The following PPP2R2B variants were observed in gnomAD, a reference collection of about 807,000 sequenced individuals.
The protein encoded by PPP2R2B is serine/threonine-protein phosphatase 2A 55 kDa regulatory subunit B beta isoform.
A neutral mutation model predicts 46.0 loss-of-function variants in PPP2R2B; 5 were observed. The ratio of observed to expected loss-of-function variants is 0.11; its 90% CI spans 0.06 to 0.23. The LOEUF (loss-of-function observed/expected upper bound fraction) is 0.23. Among genes scored for constraint, PPP2R2B ranks in the 10% least tolerant of loss-of-function variants. The pLI, the probability that PPP2R2B is intolerant of heterozygous loss-of-function variation, is 1.00. For missense variants in PPP2R2B, 367 were observed against 575.0 expected (o/e 0.64, Z 3.70); for synonymous variants, 215 against 206.7 (o/e 1.04, Z -0.34).
intron 7 of PPP2R2B, among the ~76,000 whole-genome samples, chr5:146,615,503 A>T (rs1773069725): frequency 8.5e-6 from 1 of 117,570 alleles, no homozygotes; most frequent in Non-Finnish European, 1.6e-5. Flanking sequence ...AGAGTATAAT[A>T]AAAAAAAAAA....
chr5:146,703,425 A>G lies in PPP2R2B; in HGVS notation c.71-2283T>C, dbSNP rs1185772091. On this transcript the variant is annotated intron_variant, in intron 2 of 9. Transcript: ENST00000394411. ...AGCTACGTTCTAAAGTTCTGCTTAC[A>G]TGCAGTCTATGCCCTTTCACTGGAC... 3.9e-5 allele frequency among the ~76,000 whole-genome samples: 6 copies of G among 152,274 alleles called. No homozygotes were observed. The East Asian group carries it at 9.7e-4, about 24-fold the overall frequency.
chr5:146,681,857 G>T (rs1014324698), intron 5 of PPP2R2B, among the ~76,000 whole-genome samples: 1 of 152,142 alleles, frequency 6.6e-6, no homozygotes, highest in Non-Finnish European at 1.5e-5. Flanking sequence ...AGGCTTTATG[G>T]CCAGGGAATC....
chr5:146,864,917 A>G (rs2151399741), intron 2 of PPP2R2B, among the ~76,000 whole-genome samples: 1 of 152,318 alleles, frequency 6.6e-6, no homozygotes, highest in Non-Finnish European at 1.5e-5. Flanking sequence ...GCCTACAGTA[A>G]TTACAAAGGT....
chr5:146,938,750 CCTTT>C (rs1764231991), intron 1 of PPP2R2B, among the ~76,000 whole-genome samples: 2 of 123,888 alleles, frequency 1.6e-5, no homozygotes, highest in South Asian at 2.6e-4. Flanking sequence ...TAGATAATAG[CCTTT>C]TTTTTTTTTT....
intron 2 of PPP2R2B, among the ~76,000 whole-genome samples, chr5:146,815,541 G>C (rs934497714): frequency 6.6e-6 from 1 of 152,226 alleles, no homozygotes; most frequent in African/African-American, 2.4e-5. Flanking sequence ...AGGAGTGCAC[G>C]CAAGTGAAAT....
chr5:146,898,201 C>A (rs1430411837), intron 1 of PPP2R2B, among the ~76,000 whole-genome samples: 2 of 151,962 alleles, frequency 1.3e-5, no homozygotes, highest in African/African-American at 2.4e-5. Flanking sequence ...AACAAACAAA[C>A]AAAAAAAGTA....
intron 2 of PPP2R2B, among the ~76,000 whole-genome samples, chr5:146,765,088 T>C (rs1754399138): frequency 6.6e-6 from 1 of 152,248 alleles, no homozygotes; most frequent in Non-Finnish European, 1.5e-5. Context: ...ATGACAAATG[T>C]ATCTTCTTTT....
chr5:146,660,177 C>A (rs185150722), intron 5 of PPP2R2B, among the ~76,000 whole-genome samples: 35 of 152,254 alleles, frequency 2.3e-4, no homozygotes, highest in African/African-American at 7.5e-4. Flanking sequence ...TGTGTGTACC[C>A]ATTATTGAAG....
Position 146,791,093 on chromosome 5 carries a change from T to C in PPP2R2B, c.70+86909A>G, listed in dbSNP as rs1435068274. 2.0e-5 allele frequency among the ~76,000 whole-genome samples: 3 copies of C among 152,294 alleles called. No homozygotes were observed. The East Asian group carries it at 5.8e-4, about 29-fold the overall frequency. The stretch of plus-strand genomic sequence containing the variant: ...GGACTCAACTATGCCCAGTCACCTA[T>C]CTTTTAGGACCTGTTTCTCTTCTTG... On this transcript the variant is annotated intron_variant, in intron 2 of 9. Coordinates refer to ENST00000394411, the MANE Select transcript of PPP2R2B (RefSeq NM_181675.4).
intron 7 of PPP2R2B, among the ~76,000 whole-genome samples, chr5:146,633,199 G>A (rs569729012): frequency 6.6e-6 from 1 of 152,350 alleles, no homozygotes; most frequent in South Asian, 2.1e-4. Flanking sequence ...TGAGTATGCA[G>A]AGTGAGGGAC....
At chr5:146,913,801 A>G (rs1336894225) in intron 1 of PPP2R2B, among the ~76,000 whole-genome samples, 1 of 152,218 alleles carries the variant, frequency 6.6e-6, no homozygotes, top group African/African-American at 2.4e-5. Flanking sequence ...TTAGTGAATT[A>G]AACTGCAAAA....
intron 7 of PPP2R2B, among the ~76,000 whole-genome samples, chr5:146,604,696 C>G (rs1772095063): frequency 6.6e-6 from 1 of 152,168 alleles, no homozygotes; most frequent in Admixed American, 6.5e-5. Context: ...AATGCTCAAA[C>G]TTCTAAGGAA....
At chr5:146,904,520 G>C (rs561513881) in intron 1 of PPP2R2B, among the ~76,000 whole-genome samples, 1 of 152,170 alleles carries the variant, frequency 6.6e-6, no homozygotes, top group East Asian at 1.9e-4. Context: ...TATTGGGAGC[G>C]TGTTCCCCGA....
rs147524300 is a variant in PPP2R2B at position 146,600,298 on chromosome 5, G to A, written c.953C>T (p.Thr318Ile). 1.2e-6 allele frequency: 2 copies of A among 1,613,774 alleles called. No individual in the cohort carries two copies. Among genetic ancestry groups the A allele is most frequent in the Non-Finnish European group, 8.5e-7 (1 of 1,179,812 alleles). Reference protein sequence around the residue: ...DLNMENRPIETYQVHDYLRSK... With the variant: ...DLNMENRPIEIYQVHDYLRSK... ...GTGCCTGGGGTTCTATACCTGGTAA[G>A]TCTCGATGGGGCGGTTTTCCATGTT... Residue 318 changes from threonine to isoleucine, a missense_variant, in exon 8 of 10, where the codon ACT becomes ATT. Physicochemically the swap from Thr to Ile is moderately conservative, Grantham distance 89 (BLOSUM62 -1). Around this residue, in one of 2 missense-constraint regions of PPP2R2B, gnomAD observed 361 missense variants for 545.5 expected, o/e 0.66. Coordinates refer to ENST00000394411, the MANE Select transcript of PPP2R2B (RefSeq NM_181675.4).
intron 2 of PPP2R2B, among the ~76,000 whole-genome samples, chr5:146,821,454 T>C (rs1758257385): frequency 6.6e-6 from 1 of 152,132 alleles, no homozygotes; most frequent in Admixed American, 6.5e-5. Context: ...CCTTCTCTGG[T>C]TGTCACAGCA....
At chr5:146,595,044 C>T (rs1771036474) in intron 8 of PPP2R2B, among the ~76,000 whole-genome samples, 2 of 152,202 alleles carry the variant, frequency 1.3e-5, no homozygotes, top group South Asian at 4.1e-4. Context: ...TTGAAAAGCT[C>T]TGAGTTATTT....
chr5:146,672,826 C>T (rs915604704), intron 5 of PPP2R2B, among the ~76,000 whole-genome samples: 15 of 152,146 alleles, frequency 9.9e-5, no homozygotes, highest in African/African-American at 2.9e-4. Flanking sequence ...TTTTCCTTCA[C>T]GAGAACTCTC....
chr5:146,615,290 G>A (rs1207615199), intron 7 of PPP2R2B, among the ~76,000 whole-genome samples: 5 of 83,416 alleles, frequency 6.0e-5, no homozygotes. Flanking sequence ...CTCATAGGTG[G>A]GAATTGAACA....
At chr5:146,684,223 T>G (rs1176900898) in intron 5 of PPP2R2B, among the ~76,000 whole-genome samples, 1 of 152,126 alleles carries the variant, frequency 6.6e-6, no homozygotes, top group Admixed American at 6.5e-5. Context: ...AAATGAAGTC[T>G]AAAAAAATTA....
Sources: allele counts gnomAD v4.1 joint callset (sites outside exome capture counted in the v4.1 genomes callset), GRCh38; gene constraint gnomAD v4.1.1; regional missense constraint gnomAD v4.1.1; transcripts MANE v1.5; gene names NCBI Gene and HGNC (gene_info 2026-07-23, HGNC 2026-07-21).